NCAM2: variants seen among roughly 807,000 people sequenced by gnomAD.
NCAM2 encodes neural cell adhesion molecule 2.
A neutral mutation model predicts 98.1 loss-of-function variants in NCAM2; 30 were observed. That is an observed-to-expected ratio of 0.31 (90% CI 0.23 to 0.41). NCAM2 has a LOEUF of 0.41. NCAM2 is among the 10% of genes least tolerant of loss of function. NCAM2 has a pLI of 1.00. For missense variants in NCAM2, 867 were observed against 1,005.8 expected (o/e 0.86, Z 1.87); for synonymous variants, 368 against 342.4 (o/e 1.07, Z -0.83).
intron 8 of NCAM2, among the ~76,000 whole-genome samples, chr21:21,362,261 T>C (rs2075665070): frequency 6.6e-6 from 1 of 152,188 alleles, no homozygotes; most frequent in Non-Finnish European, 1.5e-5. Context: ...ACAAGCCATA[T>C]AATATAAATG....
At chr21:21,026,385 G>A (rs1338508162) in intron 1 of NCAM2, among the ~76,000 whole-genome samples, 2 of 152,146 alleles carry the variant, frequency 1.3e-5, no homozygotes, top group Non-Finnish European at 2.9e-5. Flanking sequence ...TAGGCCAGGC[G>A]CGGTGGCTCA....
At chr21:21,029,806 A>G (rs1020751218) in intron 1 of NCAM2, among the ~76,000 whole-genome samples, 1 of 151,448 alleles carries the variant, frequency 6.6e-6, no homozygotes, top group Non-Finnish European at 1.5e-5. Flanking sequence ...AATTTTTTGT[A>G]TTTTTAGTAG....
intron 1 of NCAM2, among the ~76,000 whole-genome samples, chr21:21,273,821 A>G (rs1182842589): frequency 6.6e-6 from 1 of 152,110 alleles, no homozygotes; most frequent in African/African-American, 2.4e-5. Flanking sequence ...ATGAAACTTT[A>G]TTAAAGAGTG....
intron 1 of NCAM2, among the ~76,000 whole-genome samples, chr21:21,237,313 G>C (rs2147217007): frequency 6.6e-6 from 1 of 152,104 alleles, no homozygotes; most frequent in Non-Finnish European, 1.5e-5. Flanking sequence ...CCTCTTCTAA[G>C]GAAAATTCTA....
At chr21:21,246,954 A>G (rs1305648956) in intron 1 of NCAM2, among the ~76,000 whole-genome samples, 1 of 152,160 alleles carries the variant, frequency 6.6e-6, no homozygotes, top group African/African-American at 2.4e-5. Context: ...GAATAATAGC[A>G]TTTAACCTAC....
At chr21:21,324,172 A>G (rs903482486) in intron 5 of NCAM2, among the ~76,000 whole-genome samples, 1 of 152,178 alleles carries the variant, frequency 6.6e-6, no homozygotes, top group African/African-American at 2.4e-5. Flanking sequence ...GTGCACATGT[A>G]CCCTAGAACT....
intron 15 of NCAM2, among the ~76,000 whole-genome samples, chr21:21,487,123 A>G (rs1350882185): frequency 6.6e-6 from 1 of 152,192 alleles, no homozygotes; most frequent in Non-Finnish European, 1.5e-5. Flanking sequence ...GCATTCCAAT[A>G]AATAAAACCT....
At chr21:21,400,245 C>A (rs979922857) in intron 9 of NCAM2, among the ~76,000 whole-genome samples, 6 of 152,168 alleles carry the variant, frequency 3.9e-5, no homozygotes, top group Admixed American at 2.6e-4. Flanking sequence ...GAGATTCAGT[C>A]AAGGGCATGG....
At chr21:21,132,999 T>A (rs967847915) in intron 1 of NCAM2, among the ~76,000 whole-genome samples, 3 of 152,216 alleles carry the variant, frequency 2.0e-5, no homozygotes, top group Admixed American at 1.3e-4. Flanking sequence ...TACGTGTTTT[T>A]ATAATATAAA....
chr21:21,483,825 G>T (rs233758), intron 15 of NCAM2, among the ~76,000 whole-genome samples: 5,467 of 152,096 alleles, frequency 0.036, 317 homozygotes, highest in African/African-American at 0.12. Flanking sequence ...GAGATGCAGT[G>T]ACATATGTCT....
intron 15 of NCAM2, among the ~76,000 whole-genome samples, chr21:21,484,910 T>G (rs1228745635): frequency 6.6e-6 from 1 of 152,168 alleles, no homozygotes; most frequent in Non-Finnish European, 1.5e-5. Flanking sequence ...TTGCTACATC[T>G]AATCTTTCAT....
chr21:21,454,675 C>A (rs1258865679), intron 12 of NCAM2, among the ~76,000 whole-genome samples: 4 of 151,790 alleles, frequency 2.6e-5, no homozygotes, highest in Non-Finnish European at 4.4e-5. Context: ...ACTTTGTGAT[C>A]CTAGGTTAAA....
chr21:21,189,226 G>A (rs2068739773), intron 1 of NCAM2, among the ~76,000 whole-genome samples: 2 of 152,074 alleles, frequency 1.3e-5, no homozygotes, highest in South Asian at 4.1e-4. Flanking sequence ...TATTTTTAAT[G>A]TTTTGTTCAG....
At chr21:21,028,747 T>A (rs1272225506) in intron 1 of NCAM2, among the ~76,000 whole-genome samples, 2 of 152,206 alleles carry the variant, frequency 1.3e-5, no homozygotes, top group African/African-American at 4.8e-5. Flanking sequence ...GTCTATTATA[T>A]TCTAATACTC....
chr21:21,138,943 A>G (rs560655125), intron 1 of NCAM2, among the ~76,000 whole-genome samples: 1 of 152,198 alleles, frequency 6.6e-6, no homozygotes, highest in Non-Finnish European at 1.5e-5. Flanking sequence ...TTAATGATAA[A>G]TAATAGTTAT....
At chr21:21,482,280 A>G (rs1985960691) in intron 15 of NCAM2, among the ~76,000 whole-genome samples, 1 of 152,160 alleles carries the variant, frequency 6.6e-6, no homozygotes. Flanking sequence ...TTCAGATCTT[A>G]TAGAGTTAAC....
At chr21:21,246,748 T>G (rs1045005636) in intron 1 of NCAM2, among the ~76,000 whole-genome samples, 1 of 152,188 alleles carries the variant, frequency 6.6e-6, no homozygotes, top group African/African-American at 2.4e-5. Flanking sequence ...ACTCTCAATA[T>G]TTGGTTCAAA....
intron 1 of NCAM2, chr21:21,147,108 C>T: frequency 5.1e-6 from 5 of 978,436 alleles, no homozygotes; most frequent in Non-Finnish European, 4.9e-6. Flanking sequence ...AACTCATACC[C>T]TTTGCCTTCT....
At chr21:21,440,358 C>T (rs997989941) in intron 12 of NCAM2, among the ~76,000 whole-genome samples, 1 of 151,984 alleles carries the variant, frequency 6.6e-6, no homozygotes, top group Non-Finnish European at 1.5e-5. Context: ...TCATTTTTAA[C>T]AGCCTTCCTC....
Sources: gnomAD v4.1 joint callset for allele counts (sites outside exome capture counted in the v4.1 genomes callset) on GRCh38, gnomAD v4.1.1 for gene constraint, MANE v1.5 for transcripts, NCBI Gene and HGNC (gene_info 2026-07-23, HGNC 2026-07-21) for gene names.